The following GRIA1 variants were observed in gnomAD, a reference collection of about 807,000 sequenced individuals.
The protein encoded by GRIA1 is glutamate receptor 1.
A neutral mutation model predicts 99.2 loss-of-function variants in GRIA1; 31 were observed. The ratio of observed to expected loss-of-function variants is 0.31; its 90% CI spans 0.23 to 0.42. The LOEUF (loss-of-function observed/expected upper bound fraction) is 0.42, where lower values mean the gene tolerates loss of function less well. Among genes scored for constraint, GRIA1 ranks in the 10% least tolerant of loss-of-function variants. GRIA1 has a pLI of 1.00. For missense variants in GRIA1, 782 were observed against 1,157.5 expected, an observed-to-expected ratio of 0.68 and a Z score of 4.71; for synonymous variants, 438 against 432.4, an observed-to-expected ratio of 1.01 and a Z score of -0.16.
At position 153,763,918 on chromosome 5, in the gene GRIA1, G is replaced by T. The variant is rs75674441; in HGVS notation, c.1824-516G>T. Among the ~76,000 whole-genome samples the T allele has an allele frequency of 2.0e-5, 3 of 152,312 alleles. No individual in the cohort carries two copies. The East Asian group carries it at 5.8e-4, about 29-fold the overall frequency. On this transcript the variant is annotated intron_variant, in intron 11 of 15. Coordinates refer to ENST00000285900, the MANE Select transcript of GRIA1 (RefSeq NM_000827.4). ...TGACTATTCTGATTCTATTTCCAAT[G>T]TATTCTTCCTTCCTTTCCTTCTAGT...
chr5:153,617,047 G>A (rs1766570787), intron 2 of GRIA1, among the ~76,000 whole-genome samples: 1 of 152,146 alleles, frequency 6.6e-6, no homozygotes, highest in Admixed American at 6.6e-5. Flanking sequence ...GGAAATTTGG[G>A]TGAGTACAGC....
intron 2 of GRIA1, among the ~76,000 whole-genome samples, chr5:153,598,796 C>T (rs898731507): frequency 1.9e-4 from 16 of 83,860 alleles, no homozygotes; most frequent in South Asian, 5.1e-4. Flanking sequence ...GGTTAAACCA[C>T]GGCAGCTTTT....
chr5:153,492,204 C>T (rs1253458541), intron 1 of GRIA1: 1 of 1,533,182 alleles, frequency 6.5e-7, no homozygotes, highest in East Asian at 2.4e-5. Flanking sequence ...CATACATGTG[C>T]TGCAGTACCC....
At chr5:153,806,393 G>A (rs1766430431) in intron 15 of GRIA1, among the ~76,000 whole-genome samples, 1 of 152,108 alleles carries the variant, frequency 6.6e-6, no homozygotes, top group African/African-American at 2.4e-5. Context: ...AGCCTCCCGA[G>A]TAGCTGGGAC....
chr5:153,697,476 A>C (rs1429360646), intron 8 of GRIA1, among the ~76,000 whole-genome samples: 1 of 152,228 alleles, frequency 6.6e-6, no homozygotes, highest in African/African-American at 2.4e-5. Flanking sequence ...CATAATTTTT[A>C]GACACTCCTA....
intron 14 of GRIA1, 27 bp from the exon 15 acceptor site, chr5:153,802,329 C>G (rs775007042): frequency 6.2e-6 from 10 of 1,611,976 alleles, no homozygotes; most frequent in Admixed American, 3.3e-5. Flanking sequence ...TTCCCCCTCC[C>G]CTTCCTTTCC....
chr5:153,574,311 T>A (rs1295830386), intron 2 of GRIA1: 1 of 152,178 alleles, frequency 6.6e-6, no homozygotes, highest in Non-Finnish European at 1.5e-5. Flanking sequence ...TTATTAATAG[T>A]AACAACAATA....
chr5:153,664,947 G>A (rs1178552042), intron 5 of GRIA1, among the ~76,000 whole-genome samples: 1 of 152,326 alleles, frequency 6.6e-6, no homozygotes, highest in East Asian at 1.9e-4. Flanking sequence ...GGAAGGTTTT[G>A]ATCATGTAAA....
chr5:153,682,986 C>T (rs966997131), intron 7 of GRIA1, among the ~76,000 whole-genome samples: 1 of 152,204 alleles, frequency 6.6e-6, no homozygotes, highest in South Asian at 2.1e-4. Flanking sequence ...AAGGTTAATT[C>T]TCCATCTTTC....
intron 2 of GRIA1, among the ~76,000 whole-genome samples, chr5:153,515,516 G>C (rs1199483890): frequency 6.6e-6 from 1 of 152,168 alleles, no homozygotes; most frequent in Non-Finnish European, 1.5e-5. Flanking sequence ...GTTTCAGTTA[G>C]ACAGAAGGAA....
chr5:153,705,324 C>G (rs747340667), intron 10 of GRIA1, among the ~76,000 whole-genome samples: 1 of 152,186 alleles, frequency 6.6e-6, no homozygotes, highest in Non-Finnish European at 1.5e-5. Flanking sequence ...CCAGAGTGAT[C>G]AGACCCATTC....
At chr5:153,516,689 C>T (rs73284017) in intron 2 of GRIA1, among the ~76,000 whole-genome samples, 3,171 of 152,086 alleles carry the variant, frequency 0.021, 105 homozygotes, top group African/African-American at 0.072. Context: ...AAGGCTGCTG[C>T]GTCCAGATCT....
At chr5:153,752,945 T>A (rs1374990353) in intron 11 of GRIA1, among the ~76,000 whole-genome samples, 1 of 152,144 alleles carries the variant, frequency 6.6e-6, no homozygotes, top group Non-Finnish European at 1.5e-5. Context: ...TGAGAAGGAT[T>A]TGACACCCTA....
rs557620142 is a variant in GRIA1 at position 153,630,869 on chromosome 5, A to G, written c.221-16059A>G. 9.3e-4 allele frequency among the ~76,000 whole-genome samples: 142 copies of G among 152,320 alleles called. 2 individuals are homozygous for G. The South Asian group carries it at 0.028, about 30-fold the overall frequency. On this transcript the variant is annotated intron_variant, in intron 2 of 15. Transcript: ENST00000285900. Reference sequence around the variant, plus strand: ...ATGTGTGGAAGTGCAAGGGAAGTCTATAATGCAGTGTTCTGAGTGTGTGCA... The same window carrying G: ...ATGTGTGGAAGTGCAAGGGAAGTCTGTAATGCAGTGTTCTGAGTGTGTGCA...
At chr5:153,587,206 T>C (rs944776589) in intron 2 of GRIA1, among the ~76,000 whole-genome samples, 3 of 152,088 alleles carry the variant, frequency 2.0e-5, no homozygotes, top group Admixed American at 1.3e-4. Flanking sequence ...GTTCTTCCAA[T>C]AGGGACTGAC....
At chr5:153,724,929 C>T (rs1760392596) in intron 11 of GRIA1, among the ~76,000 whole-genome samples, 1 of 152,088 alleles carries the variant, frequency 6.6e-6, no homozygotes, top group Non-Finnish European at 1.5e-5. Flanking sequence ...AAGAGCAACT[C>T]CAAGACACGT....
At chr5:153,725,030 C>A (rs1336233788) in intron 11 of GRIA1, among the ~76,000 whole-genome samples, 5 of 152,192 alleles carry the variant, frequency 3.3e-5, no homozygotes, top group African/African-American at 1.2e-4. Context: ...GGAAGCCCAT[C>A]AGACTAACAG....
intron 10 of GRIA1, 55 bp from the exon 11 acceptor site, chr5:153,705,642 G>C: frequency 1.4e-6 from 2 of 1,432,860 alleles, no homozygotes; most frequent in South Asian, 3.0e-5. Flanking sequence ...AGAATGAAAA[G>C]GGCTGCTGAG....
chr5:153,674,779 G>T, intron 6 of GRIA1, 118 bp downstream of exon 6: 1 of 1,071,040 alleles, frequency 9.3e-7, no homozygotes, highest in African/African-American at 1.6e-5. Context: ...CAAATTCAGG[G>T]AAATATATTT....
Sources: gnomAD v4.1 joint callset for allele counts (sites outside exome capture counted in the v4.1 genomes callset) on GRCh38, gnomAD v4.1.1 for gene constraint, MANE v1.5 for transcripts, NCBI Gene and HGNC (gene_info 2026-07-23, HGNC 2026-07-21) for gene names.